The following ZNF385D variants were observed in gnomAD, a reference collection of about 807,000 sequenced individuals.
ZNF385D encodes zinc finger protein 385D.
A neutral mutation model predicts 35.8 loss-of-function variants in ZNF385D; 15 were observed. The observed-to-expected ratio is 0.42, with a 90% confidence interval of 0.28 to 0.64. ZNF385D has a LOEUF of 0.64. Ranked by LOEUF, ZNF385D falls within the 30% of genes least tolerant of loss-of-function variation. ZNF385D has a pLI of 0.23. For synonymous variants in ZNF385D, 212 were observed against 186.8 expected, an observed-to-expected ratio of 1.13 and a Z score of -1.10; for missense variants, 474 against 494.6, an observed-to-expected ratio of 0.96 and a Z score of 0.39.
At chr3:21,697,597 T>C (rs1165754491) in intron 1 of ZNF385D, among the ~76,000 whole-genome samples, 2 of 151,944 alleles carry the variant, frequency 1.3e-5, no homozygotes, top group African/African-American at 4.8e-5. Flanking sequence ...AAACCAAAAA[T>C]GGACAAATGG....
rs1217743689 is a variant in ZNF385D, at chr3:21,494,977, T to G, written c.439+15884A>C. ...TGCTCTAGACGTTCATGGCACTGTA[T>G]CTGCTATTTTCTTCAAACAAATATT... On this transcript the variant is annotated intron_variant, in intron 4 of 7. Transcript: ENST00000281523. Among the ~76,000 whole-genome samples the G allele has an allele frequency of 2.0e-5, 3 of 152,212 alleles. No homozygotes were observed. The East Asian group carries it at 5.8e-4, about 29-fold the overall frequency.
intron 2 of ZNF385D, among the ~76,000 whole-genome samples, chr3:21,572,952 T>G (rs1421274553): frequency 6.6e-6 from 1 of 151,856 alleles, no homozygotes; most frequent in Non-Finnish European, 1.5e-5. Flanking sequence ...GTAGACACTT[T>G]TTTTTTTACT....
intron 3 of ZNF385D, among the ~76,000 whole-genome samples, chr3:22,158,328 A>G (rs533191506): frequency 4.6e-5 from 7 of 152,196 alleles, no homozygotes; most frequent in Admixed American, 2.0e-4. Context: ...CTGAAGTTCT[A>G]TTGGAAACCA....
intron 4 of ZNF385D, among the ~76,000 whole-genome samples, chr3:21,479,423 T>G (rs1704463870): frequency 6.6e-6 from 1 of 152,262 alleles, no homozygotes; most frequent in Non-Finnish European, 1.5e-5. Flanking sequence ...TATTAATTTA[T>G]TCTCTAAACT....
At chr3:21,955,835 T>C (rs969196949) in intron 3 of ZNF385D, among the ~76,000 whole-genome samples, 1 of 152,100 alleles carries the variant, frequency 6.6e-6, no homozygotes, top group Non-Finnish European at 1.5e-5. Context: ...AGATAATTCA[T>C]TCTTTCATAA....
intron 2 of ZNF385D, among the ~76,000 whole-genome samples, chr3:22,248,450 A>G (rs773156492): frequency 6.6e-6 from 1 of 152,224 alleles, no homozygotes; most frequent in African/African-American, 2.4e-5. Flanking sequence ...ATAAAGAGCT[A>G]TAGAGTGAGG....
chr3:21,734,065 T>A (rs2069133931), intron 1 of ZNF385D, among the ~76,000 whole-genome samples: 1 of 152,218 alleles, frequency 6.6e-6, no homozygotes, highest in South Asian at 2.1e-4. Flanking sequence ...TTATGTTTCT[T>A]CTTTCAGATA....
At chr3:22,098,524 T>C (rs939472145) in intron 3 of ZNF385D, among the ~76,000 whole-genome samples, 1 of 152,128 alleles carries the variant, frequency 6.6e-6, no homozygotes, top group African/African-American at 2.4e-5. Flanking sequence ...AACTACTCTC[T>C]AGCTGTCATT....
At chr3:21,970,395 A>C (rs2125338983) in intron 3 of ZNF385D, among the ~76,000 whole-genome samples, 1 of 152,252 alleles carries the variant, frequency 6.6e-6, no homozygotes, top group African/African-American at 2.4e-5. Flanking sequence ...CAAGCAGAAA[A>C]TGCAGTTGAC....
intron 3 of ZNF385D, among the ~76,000 whole-genome samples, chr3:22,006,233 CTACT>C (rs2125425337): frequency 6.6e-6 from 1 of 152,204 alleles, no homozygotes; most frequent in East Asian, 1.9e-4. Context: ...AGGAACTTAA[CTACT>C]TAGTGTATCT....
chr3:21,983,469 C>T (rs1410099070), intron 3 of ZNF385D, among the ~76,000 whole-genome samples: 1 of 120,490 alleles, frequency 8.3e-6, no homozygotes, highest in African/African-American at 3.0e-5. Context: ...CCAATTTCAT[C>T]CATGTCCCTA....
At chr3:22,369,848 G>T (rs114946354) in intron 2 of ZNF385D, among the ~76,000 whole-genome samples, 1 of 152,064 alleles carries the variant, frequency 6.6e-6, no homozygotes, top group Non-Finnish European at 1.5e-5. Flanking sequence ...CTTAGCTGAA[G>T]AACTCATAAG....
chr3:21,797,299 C>A lies in ZNF385D; in HGVS notation c.326-132271G>T, dbSNP rs572314674. On this transcript the variant is annotated intron_variant, in intron 3 of 5. Coordinates refer to the ZNF385D transcript ENST00000494108. Reference sequence around the variant, plus strand: ...CAATTGTGAGATGGATGTCACTACACACATATTAAAATGACCAAAATCCAG... The same window carrying A: ...CAATTGTGAGATGGATGTCACTACAAACATATTAAAATGACCAAAATCCAG... Among the ~76,000 whole-genome samples, 99 of 152,242 alleles carry A rather than the reference C, an allele frequency of 6.5e-4. 1 individual carries two copies. Among genetic ancestry groups the A allele is most frequent in the African/African-American group, 2.3e-3 (96 of 41,548 alleles).
intron 2 of ZNF385D, among the ~76,000 whole-genome samples, chr3:22,175,081 G>C (rs1379693270): frequency 1.0e-5 from 1 of 97,102 alleles, no homozygotes; most frequent in Non-Finnish European, 2.3e-5. Context: ...TATCAGTCTA[G>C]TCCATTTCAC....
At chr3:21,885,018 C>G (rs1433799478) in intron 3 of ZNF385D, among the ~76,000 whole-genome samples, 2 of 152,010 alleles carry the variant, frequency 1.3e-5, no homozygotes, top group African/African-American at 2.4e-5. Flanking sequence ...GTAGATATAA[C>G]TTGCAGACTA....
At chr3:22,191,194 A>T (rs1008831330) in intron 2 of ZNF385D, among the ~76,000 whole-genome samples, 1 of 149,158 alleles carries the variant, frequency 6.7e-6, no homozygotes, top group African/African-American at 2.5e-5. Flanking sequence ...TATTGACCTT[A>T]TAAGACAACT....
chr3:22,284,589 C>T (rs1028969797), intron 2 of ZNF385D, among the ~76,000 whole-genome samples: 8 of 151,570 alleles, frequency 5.3e-5, no homozygotes, highest in African/African-American at 1.7e-4. Context: ...TTTTAAGAAC[C>T]GCTAGACACT....
intron 3 of ZNF385D, among the ~76,000 whole-genome samples, chr3:21,770,253 TA>T (rs1198421863): frequency 1.3e-5 from 2 of 151,978 alleles, no homozygotes; most frequent in Admixed American, 1.3e-4. Context: ...CTAATTAAAC[TA>T]AAGAGCTTCT....
At chr3:22,170,984 C>A (rs2035849) in intron 2 of ZNF385D, among the ~76,000 whole-genome samples, 14,018 of 152,094 alleles carry the variant, frequency 0.092, 849 homozygotes, top group Middle Eastern at 0.22. Flanking sequence ...TATTTACTAC[C>A]ATATGAAGCA....
Sources: allele counts gnomAD v4.1 joint callset (sites outside exome capture counted in the v4.1 genomes callset), GRCh38; gene constraint gnomAD v4.1.1; transcripts MANE v1.5; gene names NCBI Gene and HGNC (gene_info 2026-07-23, HGNC 2026-07-21).